CDH6: variants seen among roughly 807,000 people sequenced by gnomAD.
The protein encoded by CDH6 is cadherin-6.
Under a neutral mutation model 78.0 loss-of-function variants are expected in CDH6, and 31 were observed. The observed-to-expected ratio is 0.40, with a 90% CI of 0.30 to 0.54. The LOEUF is 0.54. Ranked by LOEUF, CDH6 falls within the 20% of genes least tolerant of loss-of-function variation. The probability of loss-of-function intolerance (pLI) is 0.56; values close to 1 mark genes in which losing one functional copy is unlikely to be tolerated. For synonymous variants in CDH6, 376 were observed against 368.8 expected (o/e 1.02, Z -0.23); for missense variants, 724 against 975.9 (o/e 0.74, Z 3.44).
At chr5:31,220,925 G>A (rs1021335995) in intron 1 of CDH6, among the ~76,000 whole-genome samples, 2 of 150,870 alleles carry the variant, frequency 1.3e-5, no homozygotes, top group South Asian at 2.1e-4. Context: ...TTTTTCCATG[G>A]GGCATCATCC....
At chr5:31,259,505 G>C (rs748051638) in intron 1 of CDH6, among the ~76,000 whole-genome samples, 15 of 152,092 alleles carry the variant, frequency 9.9e-5, no homozygotes, top group Non-Finnish European at 1.9e-4. Flanking sequence ...ACATCTCCCG[G>C]TCTTGTTTAA....
At chr5:31,252,562 C>T (rs919928487) in intron 1 of CDH6, among the ~76,000 whole-genome samples, 17 of 152,076 alleles carry the variant, frequency 1.1e-4, no homozygotes, top group African/African-American at 4.1e-4. Flanking sequence ...CAGGGAAACT[C>T]GTGTGATAAT....
chr5:31,240,819 G>A (rs563117890), intron 1 of CDH6, among the ~76,000 whole-genome samples: 3 of 152,262 alleles, frequency 2.0e-5, no homozygotes, highest in East Asian at 1.9e-4. Flanking sequence ...TGAACATTAC[G>A]AAATGACTTT....
intron 2 of CDH6, among the ~76,000 whole-genome samples, chr5:31,286,255 G>GA: frequency 1.3e-5 from 2 of 152,272 alleles, no homozygotes; most frequent in African/African-American, 4.8e-5. Context: ...ATCTAGCTTG[G>GA]AAAACAGCTG....
chr5:31,202,838 CAT>C (rs903614015), intron 1 of CDH6, among the ~76,000 whole-genome samples: 12 of 151,212 alleles, frequency 7.9e-5, no homozygotes, highest in Admixed American at 2.6e-4. Context: ...TATACACACA[CAT>C]ATATATATGC....
At chr5:31,269,264 T>C (rs1426235089) in intron 2 of CDH6, among the ~76,000 whole-genome samples, 1 of 63,436 alleles carries the variant, frequency 1.6e-5, no homozygotes, top group Non-Finnish European at 3.9e-5. Flanking sequence ...CCACATATTC[T>C]TAAAAAAAAA....
intron 1 of CDH6, among the ~76,000 whole-genome samples, chr5:31,220,469 T>C (rs1048242410): frequency 4.6e-5 from 7 of 152,210 alleles, no homozygotes; most frequent in African/African-American, 1.7e-4. Flanking sequence ...ATTTATTTCT[T>C]CTCTCATCTG....
rs561062763 is a variant in CDH6, at chr5:31,248,817, GT to G, written c.-128-18527del. Among the ~76,000 whole-genome samples the G allele has an allele frequency of 1.7e-4, 26 of 152,298 alleles. No individual in the cohort carries two copies. The East Asian group carries it at 5.0e-3, about 29-fold the overall frequency. ...GCATTGTCTCTAGAAAAGGATTTAT[GT>G]TGGCCCTTTGGCAGGCAATTTGAGG... On this transcript the variant is annotated intron_variant, in intron 1 of 11. Transcript: ENST00000265071.
At chr5:31,283,996 G>A (rs947200334) in intron 2 of CDH6, among the ~76,000 whole-genome samples, 1 of 151,938 alleles carries the variant, frequency 6.6e-6, no homozygotes, top group Non-Finnish European at 1.5e-5. Flanking sequence ...TGTGTTTTGG[G>A]TAGAGACAGG....
At chr5:31,302,577 G>A in intron 6 of CDH6, 2 of 247,448 alleles carry the variant, frequency 8.1e-6, no homozygotes, top group Non-Finnish European at 8.1e-6. Flanking sequence ...GCCAGGCGTG[G>A]TGGTGGGTGC....
At chr5:31,246,911 G>T (rs1741764219) in intron 1 of CDH6, among the ~76,000 whole-genome samples, 1 of 152,126 alleles carries the variant, frequency 6.6e-6, no homozygotes, top group South Asian at 2.1e-4. Flanking sequence ...CACTATGCTT[G>T]GCTAATATTT....
chr5:31,195,276 G>A (rs1004450435), intron 1 of CDH6, among the ~76,000 whole-genome samples: 1 of 151,964 alleles, frequency 6.6e-6, no homozygotes, highest in African/African-American at 2.4e-5. Context: ...ATCAAAATGT[G>A]GGCTTTCTGA....
At chr5:31,237,550 T>C (rs545163074) in intron 1 of CDH6, among the ~76,000 whole-genome samples, 2 of 152,292 alleles carry the variant, frequency 1.3e-5, no homozygotes, top group South Asian at 4.2e-4. Context: ...TCTCTCCATA[T>C]AGAATCTCCA....
intron 9 of CDH6, 57 bp downstream of exon 9, chr5:31,316,386 T>G: frequency 6.8e-7 from 1 of 1,461,354 alleles, no homozygotes; most frequent in Non-Finnish European, 9.4e-7. Context: ...TAGATCTTCT[T>G]ATCATTCAGA....
intron 1 of CDH6, among the ~76,000 whole-genome samples, chr5:31,228,972 C>T (rs1741239702): frequency 6.6e-6 from 1 of 152,172 alleles, no homozygotes; most frequent in South Asian, 2.1e-4. Context: ...ATAAAAAGTA[C>T]AAAAGTACCT....
At chr5:31,235,241 T>TC (rs1741422195) in intron 1 of CDH6, among the ~76,000 whole-genome samples, 1 of 148,530 alleles carries the variant, frequency 6.7e-6, no homozygotes, top group Admixed American at 6.7e-5. Context: ...TTTTTCTTTT[T>TC]TTTTTTTTTT....
intron 2 of CDH6, among the ~76,000 whole-genome samples, chr5:31,283,160 G>C (rs188985404): frequency 2.9e-3 from 443 of 152,306 alleles, no homozygotes; most frequent in Non-Finnish European, 4.6e-3. Flanking sequence ...GCACCTAGTA[G>C]GTAGGGACAA....
chr5:31,235,236 C>CTTTTTTTTTT (rs543675071), intron 1 of CDH6, among the ~76,000 whole-genome samples: 247 of 110,520 alleles, frequency 2.2e-3, no homozygotes, highest in East Asian at 3.3e-3. Context: ...ATTCCTTTTT[C>CTTTTTTTTTT]TTTTTTTTTT....
chr5:31,265,216 C>T (rs1742307680), intron 1 of CDH6, among the ~76,000 whole-genome samples: 2 of 152,340 alleles, frequency 1.3e-5, no homozygotes, highest in South Asian at 2.1e-4. Flanking sequence ...TCCATATGCA[C>T]TCTCAGTCCC....
Sources: allele counts gnomAD v4.1 joint callset (sites outside exome capture counted in the v4.1 genomes callset), GRCh38; gene constraint gnomAD v4.1.1; transcripts MANE v1.5; gene names NCBI Gene and HGNC (gene_info 2026-07-23, HGNC 2026-07-21).